The following ZNF423 variants were observed in gnomAD, a reference collection of about 807,000 sequenced individuals.
ZNF423 encodes zinc finger protein 423.
ZNF423 carries 12 observed loss-of-function variants against 95.8 expected under a neutral mutation model. The ratio of observed to expected loss-of-function variants is 0.13; its 90% CI spans 0.08 to 0.20. The LOEUF is 0.20. Ranked by LOEUF, ZNF423 falls within the 10% of genes least tolerant of loss-of-function variation. The pLI is 1.00. For synonymous variants in ZNF423, 749 were observed against 711.9 expected (o/e 1.05, Z -0.83); for missense variants, 1,316 against 1,737.1 (o/e 0.76, Z 4.31).
At position 49,854,712 on chromosome 16, in the gene ZNF423, G is replaced by A. The variant is rs2035339529; in HGVS notation, c.40+1023C>T. 7 of 985,366 alleles carry A rather than the reference G, an allele frequency of 7.1e-6. No individual in the cohort carries two copies. The South Asian group carries it at 2.8e-4, about 40-fold the overall frequency. 61.0% of individuals were successfully genotyped at this position (985,366 alleles called of 1,614,324 possible). On this transcript the variant is annotated intron_variant, in intron 1 of 7. Transcript: ENST00000563137. ...GCCAGCCGCGGGGAGAGGAGGCCAG[G>A]GGAGGGGCTCTGCTGCCGGCGCGCG...
chr16:49,571,323 G>C (rs1372857272), intron 5 of ZNF423, among the ~76,000 whole-genome samples: 7 of 152,138 alleles, frequency 4.6e-5, no homozygotes, highest in Admixed American at 4.6e-4. Context: ...CAGCCAGGGA[G>C]GAAGATATTC....
intron 2 of ZNF423, among the ~76,000 whole-genome samples, chr16:49,783,740 C>T (rs1411009595): frequency 6.6e-6 from 1 of 151,916 alleles, no homozygotes; most frequent in African/African-American, 2.4e-5. Context: ...GGAAGGCTGA[C>T]GCTTGCAGAT....
intron 2 of ZNF423, among the ~76,000 whole-genome samples, chr16:49,732,577 C>T (rs1342061221): frequency 6.6e-6 from 1 of 152,180 alleles, no homozygotes; most frequent in African/African-American, 2.4e-5. Context: ...CCTGTATGTA[C>T]ATGTGTGTAC....
intron 5 of ZNF423, among the ~76,000 whole-genome samples, chr16:49,545,448 T>C (rs1969405450): frequency 6.6e-6 from 1 of 152,066 alleles, no homozygotes; most frequent in Admixed American, 6.5e-5. Context: ...GGCTGCCACA[T>C]GACCATGCCA....
chr16:49,573,488 C>G (rs1310397550), intron 5 of ZNF423, among the ~76,000 whole-genome samples: 1 of 152,190 alleles, frequency 6.6e-6, no homozygotes, highest in Non-Finnish European at 1.5e-5. Context: ...GAGACGACAT[C>G]TGGAGAGAGC....
At chr16:49,811,971 C>T (rs2034760931) in intron 1 of ZNF423, among the ~76,000 whole-genome samples, 1 of 152,196 alleles carries the variant, frequency 6.6e-6, no homozygotes, top group Non-Finnish European at 1.5e-5. Context: ...GGCTCTGTCC[C>T]GCTCTCCTCT....
chr16:49,768,317 T>C (rs750170327), intron 2 of ZNF423, among the ~76,000 whole-genome samples: 1 of 152,204 alleles, frequency 6.6e-6, no homozygotes, highest in Non-Finnish European at 1.5e-5. Flanking sequence ...GAGCCCCAAC[T>C]CTTCTCGGCC....
rs576970466 is a variant in ZNF423 at position 49,500,643 on chromosome 16, G to A, written c.3850-9339C>T. Among the ~76,000 whole-genome samples, 4 of 152,222 alleles carry A rather than the reference G, an allele frequency of 2.6e-5. No homozygotes were observed. The South Asian group carries it at 8.3e-4, about 32-fold the overall frequency. ...ATAAAAAATGGCACTGGAGCTGGGT[G>A]AGTGGCTCATGCCCGGAATCCCAGC... On this transcript the variant is annotated intron_variant, in intron 7 of 7. Coordinates refer to ENST00000563137, the MANE Select transcript of ZNF423 (RefSeq NM_001379286.1).
At chr16:49,650,539 T>A (rs1241934872) in intron 3 of ZNF423, among the ~76,000 whole-genome samples, 1 of 152,222 alleles carries the variant, frequency 6.6e-6, no homozygotes, top group Non-Finnish European at 1.5e-5. Flanking sequence ...ATTATCCATT[T>A]GACATCTGGA....
At chr16:49,671,553 G>A (rs1267246212) in intron 3 of ZNF423, among the ~76,000 whole-genome samples, 3 of 152,224 alleles carry the variant, frequency 2.0e-5, no homozygotes, top group Non-Finnish European at 4.4e-5. Context: ...ATGGCCAAGA[G>A]TGGGAGGAAG....
intron 1 of ZNF423, among the ~76,000 whole-genome samples, chr16:49,802,378 G>T (rs539430526): frequency 6.6e-6 from 1 of 152,290 alleles, no homozygotes; most frequent in South Asian, 2.1e-4. Flanking sequence ...AGGTCCTTGG[G>T]GTGAAACCAT....
At chr16:49,696,873 C>T (rs2031995165) in intron 3 of ZNF423, among the ~76,000 whole-genome samples, 3 of 152,320 alleles carry the variant, frequency 2.0e-5, no homozygotes, top group South Asian at 2.1e-4. Flanking sequence ...TCTCCAGGCC[C>T]CAAAACAGCT....
At chr16:49,654,221 G>A (rs1028122639) in intron 3 of ZNF423, among the ~76,000 whole-genome samples, 3 of 152,220 alleles carry the variant, frequency 2.0e-5, no homozygotes, top group Non-Finnish European at 2.9e-5. Flanking sequence ...CAGCTCCTGA[G>A]CCTTCATTCA....
chr16:49,495,434 C>T (rs1234982406), intron 7 of ZNF423, among the ~76,000 whole-genome samples: 2 of 152,188 alleles, frequency 1.3e-5, no homozygotes, highest in Admixed American at 1.3e-4. Flanking sequence ...CCTCTCTGTG[C>T]AAATCGTCAG....
At chr16:49,593,814 C>G (rs1219733296) in intron 5 of ZNF423, among the ~76,000 whole-genome samples, 1 of 152,116 alleles carries the variant, frequency 6.6e-6, no homozygotes, top group Non-Finnish European at 1.5e-5. Context: ...TAGGAAAGCA[C>G]AAGGTTGGGG....
chr16:49,548,663 G>C (rs1176073283), intron 5 of ZNF423, among the ~76,000 whole-genome samples: 1 of 152,216 alleles, frequency 6.6e-6, no homozygotes, highest in African/African-American at 2.4e-5. Context: ...AGAGAAGGGA[G>C]AGAAGGAGAC....
At chr16:49,612,234 G>A (rs1227777856) in intron 5 of ZNF423, among the ~76,000 whole-genome samples, 1 of 151,800 alleles carries the variant, frequency 6.6e-6, no homozygotes, top group Non-Finnish European at 1.5e-5. Flanking sequence ...AAAAATCCCT[G>A]ACGAAGTATT....
At chr16:49,698,601 C>G (rs1356816406) in intron 3 of ZNF423, among the ~76,000 whole-genome samples, 1 of 152,230 alleles carries the variant, frequency 6.6e-6, no homozygotes, top group Non-Finnish European at 1.5e-5. Flanking sequence ...GTTCCAGGCC[C>G]TCAGCCCCTC....
intron 1 of ZNF423, among the ~76,000 whole-genome samples, chr16:49,813,299 G>T (rs906847296): frequency 1.3e-5 from 2 of 148,388 alleles, no homozygotes; most frequent in African/African-American, 4.9e-5. Context: ...CCTGTGCCCC[G>T]ACTCCAGGCA....
Sources: allele counts gnomAD v4.1 joint callset (sites outside exome capture counted in the v4.1 genomes callset), GRCh38; gene constraint gnomAD v4.1.1; transcripts MANE v1.5; gene names NCBI Gene and HGNC (gene_info 2026-07-23, HGNC 2026-07-21).